OXCT1: variants seen among roughly 807,000 people sequenced by gnomAD.
OXCT1 encodes the protein 3-oxoacid CoA-transferase 1.
In OXCT1, 27 loss-of-function variants were observed where a neutral mutation model predicts 69.6. That is an observed-to-expected ratio of 0.39 (90% confidence interval 0.29 to 0.54). OXCT1 has a LOEUF of 0.54. Among genes scored for constraint, OXCT1 ranks in the 20% least tolerant of loss-of-function variants. The probability of loss-of-function intolerance (pLI) is 0.72; values close to 1 mark genes in which losing one functional copy is unlikely to be tolerated. For missense variants in OXCT1, 437 were observed against 650.2 expected, an observed-to-expected ratio of 0.67 and a Z score of 3.57; for synonymous variants, 202 against 217.8, an observed-to-expected ratio of 0.93 and a Z score of 0.64.
chr5:41,856,809 G>A (rs149502558), intron 3 of OXCT1, among the ~76,000 whole-genome samples: 361 of 152,202 alleles, frequency 2.4e-3, no homozygotes, highest in Non-Finnish European at 4.0e-3. Context: ...TAGAATGCCC[G>A]GCAAGTTAAG....
At chr5:41,750,034 T>G (rs1192686841) in intron 14 of OXCT1, among the ~76,000 whole-genome samples, 1 of 151,930 alleles carries the variant, frequency 6.6e-6, no homozygotes, top group East Asian at 1.9e-4. Context: ...ATACTTTATC[T>G]GTTAAAAAAG....
At chr5:41,858,422 T>C (rs1323053088) in intron 3 of OXCT1, among the ~76,000 whole-genome samples, 1 of 152,220 alleles carries the variant, frequency 6.6e-6, no homozygotes, top group African/African-American at 2.4e-5. Flanking sequence ...AACCATCTTA[T>C]AGCTCTTTAA....
intron 1 of OXCT1, among the ~76,000 whole-genome samples, chr5:41,868,319 T>G (rs897702466): frequency 6.6e-6 from 1 of 152,186 alleles, no homozygotes; most frequent in Non-Finnish European, 1.5e-5. Flanking sequence ...AGACTAAGTG[T>G]AAGGCATAAA....
intron 15 of OXCT1, among the ~76,000 whole-genome samples, chr5:41,745,029 C>T (rs1743395410): frequency 6.6e-6 from 1 of 152,106 alleles, no homozygotes; most frequent in Non-Finnish European, 1.5e-5. Context: ...AGGAACTGAA[C>T]TCAACTCTGC....
chr5:41,764,892 A>G (rs1345370601), intron 13 of OXCT1, among the ~76,000 whole-genome samples: 10 of 152,164 alleles, frequency 6.6e-5, no homozygotes, highest in Non-Finnish European at 1.0e-4. Context: ...AGATAAGAGC[A>G]GTATCTTTTA....
At chr5:41,853,388 A>G (rs1353042392) in intron 4 of OXCT1, 31 bp downstream of exon 4, 2 of 1,591,352 alleles carry the variant, frequency 1.3e-6, no homozygotes, top group East Asian at 2.2e-5. Flanking sequence ...AAAGTAAGTT[A>G]GTATTATAAA....
intron 7 of OXCT1, among the ~76,000 whole-genome samples, chr5:41,828,274 ATT>A (rs376584355): frequency 2.8e-5 from 4 of 143,004 alleles, no homozygotes; most frequent in South Asian, 2.2e-4. Flanking sequence ...TGCCTGGCTA[ATT>A]TTTTTTTTTT....
chr5:41,766,581 A>AAAAC (rs1561372853), intron 13 of OXCT1, among the ~76,000 whole-genome samples: 2 of 151,002 alleles, frequency 1.3e-5, no homozygotes, highest in African/African-American at 2.5e-5. Flanking sequence ...AAAAAAAAAA[A>AAAAC]AACAACAACA....
Position 41,762,018 on chromosome 5 carries a change from T to C in OXCT1, c.1338+93A>G, listed in dbSNP as rs1321982430. On this transcript the variant is annotated intron_variant, in intron 14 of 16. Transcript: ENST00000196371. The surrounding 1 kb of genome is among the most constrained non-coding windows in gnomAD (Gnocchi z 4.0). ...ATCACCTTGAATGAGCCAGAGAAAA[T>C]AAAATCCACAGTTAGGTGACCTGGT... The C allele has an allele frequency of 2.4e-6, 2 of 844,516 alleles. No individual in the cohort carries two copies. Among genetic ancestry groups the C allele is most frequent in the South Asian group, 1.3e-5 (1 of 75,704 alleles). 52.3% of individuals were successfully genotyped at this position (844,516 alleles called of 1,614,324 possible). A position where few individuals can be genotyped will look rare whatever the true frequency, so the allele number is the denominator to read the frequency against.
chr5:41,774,187 C>A (rs1409035900), intron 13 of OXCT1, among the ~76,000 whole-genome samples: 2 of 152,204 alleles, frequency 1.3e-5, no homozygotes, highest in Admixed American at 1.3e-4. Context: ...TCTGTTGATA[C>A]CACCTTGAGA....
chr5:41,853,890 G>A (rs181699694), intron 3 of OXCT1, among the ~76,000 whole-genome samples: 38 of 152,164 alleles, frequency 2.5e-4, no homozygotes, highest in East Asian at 7.7e-4. Context: ...TTATTTTCAC[G>A]GCTGCAGAGT....
At chr5:41,795,702 G>A (rs1244743677) in intron 11 of OXCT1, among the ~76,000 whole-genome samples, 1 of 152,008 alleles carries the variant, frequency 6.6e-6, no homozygotes, top group Non-Finnish European at 1.5e-5. Flanking sequence ...ATTGAAATTT[G>A]CTAGAAAAGT....
intron 3 of OXCT1, among the ~76,000 whole-genome samples, chr5:41,857,497 T>C (rs963901123): frequency 5.3e-5 from 8 of 152,188 alleles, no homozygotes; most frequent in Admixed American, 4.6e-4. Context: ...TGGCTTCTGA[T>C]TGGGTTCAGC....
At chr5:41,851,311 TG>T (rs1749162327) in intron 4 of OXCT1, among the ~76,000 whole-genome samples, 2 of 152,168 alleles carry the variant, frequency 1.3e-5, no homozygotes, top group South Asian at 4.1e-4. Flanking sequence ...AACAGAGACT[TG>T]GGGTATAACT....
At chr5:41,797,426 A>G (rs1024076016) in intron 11 of OXCT1, among the ~76,000 whole-genome samples, 2 of 152,238 alleles carry the variant, frequency 1.3e-5, no homozygotes, top group African/African-American at 4.8e-5. Context: ...CTAAACAAAA[A>G]TAAGTATCCT....
intron 5 of OXCT1, among the ~76,000 whole-genome samples, chr5:41,845,825 T>C (rs1412400738): frequency 1.3e-5 from 2 of 152,162 alleles, no homozygotes; most frequent in Admixed American, 6.5e-5. Flanking sequence ...TCCTGTCTTT[T>C]ACTTTGTCAA....
At chr5:41,770,003 G>A (rs55888536) in intron 13 of OXCT1, among the ~76,000 whole-genome samples, 358 of 152,186 alleles carry the variant, frequency 2.4e-3, no homozygotes, top group Non-Finnish European at 2.4e-3. Flanking sequence ...CAGGTGATCC[G>A]CCTGCCTTGG....
intron 4 of OXCT1, 71 bp from the exon 5 acceptor site, chr5:41,850,250 C>A: frequency 1.9e-6 from 3 of 1,549,362 alleles, no homozygotes; most frequent in South Asian, 1.1e-5. Context: ...AACATTTAGA[C>A]GTGGTTCCTA....
At chr5:41,771,458 T>A (rs1034288314) in intron 13 of OXCT1, among the ~76,000 whole-genome samples, 6 of 152,354 alleles carry the variant, frequency 3.9e-5, no homozygotes, top group Non-Finnish European at 7.3e-5. Flanking sequence ...AAGCTCTTTG[T>A]ATAAGGTCAC....
Sources: allele counts gnomAD v4.1 joint callset (sites outside exome capture counted in the v4.1 genomes callset), GRCh38; gene constraint gnomAD v4.1.1; non-coding constraint Gnocchi (gnomAD v3.1); transcripts MANE v1.5; gene names NCBI Gene and HGNC (gene_info 2026-07-23, HGNC 2026-07-21).